The following FGF13 variants were observed in gnomAD, a reference collection of about 807,000 sequenced individuals.
FGF13 encodes fibroblast growth factor homologous factor 2.
In FGF13, 2 loss-of-function variants were observed where a neutral mutation model predicts 19.5. The ratio of observed to expected loss-of-function variants is 0.10; its 90% CI spans 0.04 to 0.32. FGF13 has a LOEUF of 0.32. Ranked by LOEUF, FGF13 falls within the 10% of genes least tolerant of loss-of-function variation. FGF13 has a pLI of 1.00. For synonymous variants in FGF13, 72 were observed against 76.9 expected, an observed-to-expected ratio of 0.94 and a Z score of 0.33; for missense variants, 113 against 192.7, an observed-to-expected ratio of 0.59 and a Z score of 2.45.
chrX:138,809,699 A>G (rs1437519076), intron 3 of FGF13, among the ~76,000 whole-genome samples: 1 of 111,316 alleles, frequency 9.0e-6, no homozygotes, highest in Non-Finnish European at 1.9e-5. Flanking sequence ...AGAAAACCCC[A>G]TCTCAGCCCA....
At chrX:139,144,111 C>G (rs746096115) in intron 1 of FGF13, among the ~76,000 whole-genome samples, 24 of 111,663 alleles carry the variant, frequency 2.1e-4, no homozygotes, top group Non-Finnish European at 4.5e-4. Context: ...CCTGTTCTCA[C>G]TGGCACTGCT....
chrX:138,660,075 AT>A (rs1180539191), intron 3 of FGF13, among the ~76,000 whole-genome samples: 3 of 111,317 alleles, frequency 2.7e-5, no homozygotes, highest in Non-Finnish European at 3.8e-5. Flanking sequence ...AAAGTATAAT[AT>A]TTTTTTTTAA....
chrX:138,852,561 G>A (rs778094305), downstream of FGF13, among the ~76,000 whole-genome samples: 37 of 111,467 alleles, frequency 3.3e-4, no homozygotes, highest in Non-Finnish European at 5.3e-4. Flanking sequence ...AATTCAAGAT[G>A]GATTAAAGAC....
intron 1 of FGF13, among the ~76,000 whole-genome samples, chrX:139,129,759 T>A (rs2083747295): frequency 9.0e-6 from 1 of 111,380 alleles, no homozygotes; most frequent in African/African-American, 3.3e-5. Context: ...AGGCAGATCC[T>A]TTATTTGCTT....
chrX:139,059,176 C>T (rs1017624314), intron 1 of FGF13, among the ~76,000 whole-genome samples: 3 of 110,687 alleles, frequency 2.7e-5, no homozygotes, highest in Non-Finnish European at 3.8e-5. Flanking sequence ...ATTAGAATAA[C>T]CACTAAGAAC....
chrX:139,094,322 G>A (rs1029689634), intron 1 of FGF13, among the ~76,000 whole-genome samples: 4 of 112,106 alleles, frequency 3.6e-5, no homozygotes, highest in Non-Finnish European at 5.6e-5. Context: ...CAAACTGTAT[G>A]TACACAATGC....
At chrX:139,102,026 G>A (rs1325497821) in intron 1 of FGF13, among the ~76,000 whole-genome samples, 1 of 111,941 alleles carries the variant, frequency 8.9e-6, no homozygotes, top group African/African-American at 3.2e-5. Flanking sequence ...AAGTTGTCAT[G>A]ACTTTTTTCA....
intron 1 of FGF13, among the ~76,000 whole-genome samples, chrX:138,995,455 C>T (rs781198524): frequency 5.3e-4 from 59 of 111,527 alleles, no homozygotes; most frequent in Non-Finnish European, 9.0e-4. Flanking sequence ...TTTTCTGCTC[C>T]TTTCTCTCTT....
chrX:138,853,309 G>A (rs1239782810), downstream of FGF13, among the ~76,000 whole-genome samples: 1 of 111,839 alleles, frequency 8.9e-6, no homozygotes, highest in Non-Finnish European at 1.9e-5. Flanking sequence ...CCCTCAGCAT[G>A]TTCCTCAGCA....
chrX:138,694,161 C>A (rs769658631), intron 3 of FGF13, among the ~76,000 whole-genome samples: 85 of 111,439 alleles, frequency 7.6e-4, no homozygotes, highest in Non-Finnish European at 1.5e-3. Flanking sequence ...ACATTAAAAT[C>A]ACAGGAAGTA....
chrX:138,774,572 T>C (rs1015234156), intron 3 of FGF13, among the ~76,000 whole-genome samples: 1 of 111,705 alleles, frequency 9.0e-6, no homozygotes, highest in Admixed American at 9.6e-5. Context: ...ACCATTATGC[T>C]TTCCTAGACC....
intron 1 of FGF13, among the ~76,000 whole-genome samples, chrX:138,930,512 A>G (rs1342475223): frequency 8.9e-6 from 1 of 112,148 alleles, no homozygotes; most frequent in East Asian, 2.8e-4. Flanking sequence ...GCAAAAATGA[A>G]GATGTATGAA....
chrX:139,196,695 A>G (rs140125088), intron 1 of FGF13, among the ~76,000 whole-genome samples: 3,064 of 111,847 alleles, frequency 0.027, 108 homozygotes, highest in African/African-American at 0.092. Context: ...TTTGGAGTCA[A>G]TGAAATCTGG....
chrX:138,996,186 T>C (rs2092041673), intron 1 of FGF13, among the ~76,000 whole-genome samples: 1 of 112,087 alleles, frequency 8.9e-6, no homozygotes, highest in Non-Finnish European at 1.9e-5. Flanking sequence ...GGTTGGACAG[T>C]GGGCGCAACC....
rs1556025525 is a variant in FGF13 at position 138,627,624 on chromosome X, T to TGTGC, written c.*5222_*5225dup. ...GTGTGTGTGTGTGTGTGTGTGTGTG[T>TGTGC]GTGCGCGTGTGTGTGTGTGTGTGTG... On this transcript the variant is annotated 3_prime_UTR_variant, in exon 5 of 5. Coordinates refer to ENST00000315930, the MANE Select transcript of FGF13 (RefSeq NM_004114.5). The TGTGC allele has an allele frequency of 2.1e-5, 2 of 93,592 alleles. No homozygotes were observed. Among genetic ancestry groups the TGTGC allele is most frequent in the African/African-American group, 8.7e-5 (2 of 23,120 alleles). 7.7% of individuals were successfully genotyped at this position (93,592 alleles called of 1,213,427 possible). A position where few individuals can be genotyped will look rare whatever the true frequency, so the allele number is the denominator to read the frequency against.
intron 1 of FGF13, among the ~76,000 whole-genome samples, chrX:139,155,146 T>C (rs1006521020): frequency 8.9e-6 from 1 of 111,820 alleles, no homozygotes. Context: ...GGAGCACATA[T>C]ACAGGCCATA....
chrX:138,665,881 G>GA lies in FGF13; in HGVS notation c.403-30227dup, dbSNP rs1412871949. ...AAAGAATAGCAATCTGCTATAAAGA[G>GA]AAAAAAAAGAAAGCAGGGAGCAATA... On this transcript the variant is annotated intron_variant, in intron 3 of 4. Transcript: ENST00000315930. Among the ~76,000 whole-genome samples the GA allele has an allele frequency of 5.4e-5, 6 of 110,169 alleles. 1 individual carries two copies. Among genetic ancestry groups the GA allele is most frequent in the African/African-American group, 6.6e-5 (2 of 30,447 alleles).
chrX:138,896,794 T>C (rs1356503267), intron 1 of FGF13, among the ~76,000 whole-genome samples: 3 of 111,646 alleles, frequency 2.7e-5, no homozygotes, highest in Non-Finnish European at 5.6e-5. Context: ...CTGGAATGCC[T>C]CCCTCAACCT....
At chrX:138,910,340 C>T (rs2091581009) in intron 1 of FGF13, among the ~76,000 whole-genome samples, 2 of 110,893 alleles carry the variant, frequency 1.8e-5, no homozygotes, top group South Asian at 7.7e-4. Context: ...TACAAGAAGA[C>T]ATTAGTTTAG....
Sources: allele counts gnomAD v4.1 joint callset (sites outside exome capture counted in the v4.1 genomes callset), GRCh38; gene constraint gnomAD v4.1.1; transcripts MANE v1.5; gene names NCBI Gene and HGNC (gene_info 2026-07-23, HGNC 2026-07-21).